Variants in RCAN2 observed in about 807,000 individuals in gnomAD.
RCAN2 encodes the protein regulator of calcineurin 2.
In RCAN2, 9 loss-of-function variants were observed where a neutral mutation model predicts 23.6. The observed-to-expected ratio is 0.38, with a 90% CI of 0.23 to 0.67. The LOEUF (loss-of-function observed/expected upper bound fraction) is 0.67. Among genes scored for constraint, RCAN2 ranks in the 30% least tolerant of loss-of-function variants. The pLI is 0.51. For synonymous variants in RCAN2, 109 were observed against 115.7 expected (o/e 0.94, Z 0.37); for missense variants, 273 against 302.3 (o/e 0.90, Z 0.72).
At chr6:46,464,614 C>A (rs1768320208) in intron 1 of RCAN2, among the ~76,000 whole-genome samples, 1 of 152,106 alleles carries the variant, frequency 6.6e-6, no homozygotes, top group East Asian at 1.9e-4. Flanking sequence ...CCATAGAAAC[C>A]CATTAGAGCT....
At chr6:46,239,684 G>A (rs571691004) in intron 4 of RCAN2, among the ~76,000 whole-genome samples, 2 of 152,274 alleles carry the variant, frequency 1.3e-5, no homozygotes, top group East Asian at 3.9e-4. Context: ...GGGGAAGGGG[G>A]AGGATGAGAG....
Position 46,243,868 on chromosome 6 carries a change from A to G in RCAN2, c.571+2880T>C, listed in dbSNP as rs530023038. On this transcript the variant is annotated intron_variant, in intron 4 of 4. Transcript: ENST00000371374. ...ATTCTTGATTCAGGGTTAAAAACAAATAAATGTTTGCCAGAGTTGAAGCAG... is the reference window on the plus strand; with the variant it reads ...ATTCTTGATTCAGGGTTAAAAACAAGTAAATGTTTGCCAGAGTTGAAGCAG... 3.3e-5 allele frequency among the ~76,000 whole-genome samples: 5 copies of G among 152,126 alleles called. No homozygotes were observed. The East Asian group carries it at 9.7e-4, about 29-fold the overall frequency.
rs541618730 is a variant in RCAN2, at chr6:46,361,479, A to G, written c.225+95273T>C. ...GACTATTGTTATTATCTAAAACAAC[A>G]GATTGGACAACCTATTTAAAAGTAT... On this transcript the variant is annotated intron_variant, in intron 2 of 4. Coordinates refer to ENST00000371374, the MANE Select transcript of RCAN2 (RefSeq NM_001251974.2). Among the ~76,000 whole-genome samples, 7 of 152,362 alleles carry G rather than the reference A, an allele frequency of 4.6e-5. No homozygotes were observed. The East Asian group carries it at 7.7e-4, about 17-fold the overall frequency.
chr6:46,277,331 A>C (rs1767747602), intron 2 of RCAN2, among the ~76,000 whole-genome samples: 1 of 152,138 alleles, frequency 6.6e-6, no homozygotes. Flanking sequence ...TTATTTTCTC[A>C]TAGGAGGAGA....
At chr6:46,367,242 T>G (rs1267009017) in intron 2 of RCAN2, among the ~76,000 whole-genome samples, 19 of 151,396 alleles carry the variant, frequency 1.3e-4, no homozygotes, top group Non-Finnish European at 1.5e-5. Flanking sequence ...CTGTCAAGGG[T>G]GCATTCTATT....
chr6:46,317,805 TAGAG>T (rs1436124576), intron 2 of RCAN2, among the ~76,000 whole-genome samples: 2 of 152,206 alleles, frequency 1.3e-5, no homozygotes, highest in Non-Finnish European at 2.9e-5. Context: ...AATTAATCCT[TAGAG>T]AGATTTCGAT....
chr6:46,344,463 A>T (rs999946131), intron 2 of RCAN2, among the ~76,000 whole-genome samples: 4 of 148,984 alleles, frequency 2.7e-5, no homozygotes, highest in African/African-American at 9.7e-5. Context: ...TATTTATTTT[A>T]AAAATTATTA....
chr6:46,416,176 T>C (rs1449730009), intron 2 of RCAN2, among the ~76,000 whole-genome samples: 1 of 151,976 alleles, frequency 6.6e-6, no homozygotes, highest in Non-Finnish European at 1.5e-5. Context: ...AAAGCTGTTA[T>C]TTAATATGAA....
At chr6:46,391,192 G>A (rs779702598) in intron 2 of RCAN2, among the ~76,000 whole-genome samples, 2 of 152,198 alleles carry the variant, frequency 1.3e-5, no homozygotes, top group Non-Finnish European at 2.9e-5. Flanking sequence ...TACAGTTCAT[G>A]CAGCTGAGAT....
chr6:46,222,266 A>G lies in RCAN2; in HGVS notation c.*875T>C, dbSNP rs1227583109. The G allele has an allele frequency of 6.3e-6, 2 of 315,862 alleles. No homozygotes were observed. Among genetic ancestry groups the G allele is most frequent in the Non-Finnish European group, 1.1e-5 (2 of 174,352 alleles). 19.6% of individuals were successfully genotyped at this position (315,862 alleles called of 1,614,324 possible). ...TAATTGTCGAACAATCACTAAATAA[A>G]AAACATCCAGATTTTTTAAAAGCAC... is the stretch of plus-strand genomic sequence containing the variant. On this transcript the variant is annotated 3_prime_UTR_variant, in exon 5 of 5. Coordinates refer to ENST00000371374, the MANE Select transcript of RCAN2 (RefSeq NM_001251974.2).
At chr6:46,387,606 G>A (rs1765795589) in intron 2 of RCAN2, among the ~76,000 whole-genome samples, 1 of 152,166 alleles carries the variant, frequency 6.6e-6, no homozygotes, top group Non-Finnish European at 1.5e-5. Context: ...GGAAACAACA[G>A]GTGCTGGAGA....
intron 2 of RCAN2, among the ~76,000 whole-genome samples, chr6:46,406,045 G>C (rs889123024): frequency 6.6e-6 from 1 of 152,216 alleles, no homozygotes; most frequent in African/African-American, 2.4e-5. Context: ...AGCAGGGCCG[G>C]CCGGCTGCTC....
rs1764386114 is a variant in RCAN2 at position 46,343,329 on chromosome 6, G to A, written c.226-94433C>T. 2.0e-5 allele frequency among the ~76,000 whole-genome samples: 3 copies of A among 150,786 alleles called. No homozygotes were observed. The South Asian group carries it at 6.3e-4, about 32-fold the overall frequency. ...TTCAAACATGAAGGTAAACCCTTAT[G>A]TATTTCACGTGAGAATGTAAAATGG... On this transcript the variant is annotated intron_variant, in intron 2 of 4. Transcript: ENST00000371374.
At chr6:46,287,045 C>G (rs944013609) in intron 2 of RCAN2, among the ~76,000 whole-genome samples, 1 of 152,154 alleles carries the variant, frequency 6.6e-6, no homozygotes, top group Non-Finnish European at 1.5e-5. Flanking sequence ...AATACCCAAC[C>G]AGGCAAAGAA....
In RCAN2 at chr6:46,223,021, A is replaced by C; in HGVS notation, c.*120T>G. On this transcript the variant is annotated 3_prime_UTR_variant, in exon 5 of 5. Coordinates refer to ENST00000371374, the MANE Select transcript of RCAN2 (RefSeq NM_001251974.2). ...CCTTTTGTCCGAGAGGCTTGATAAC[A>C]AGGAAGGAATCTCAAACAACCAAAC... 1.9e-6 allele frequency: 2 copies of C among 1,043,622 alleles called. No homozygotes were observed. The highest frequency in any genetic ancestry group is 2.9e-6 in the Non-Finnish European group (2 of 701,526). 64.6% of individuals were successfully genotyped at this position (1,043,622 alleles called of 1,614,324 possible).
chr6:46,398,568 T>C (rs751397479), intron 2 of RCAN2, among the ~76,000 whole-genome samples: 52 of 152,174 alleles, frequency 3.4e-4, no homozygotes, highest in Non-Finnish European at 6.8e-4. Flanking sequence ...TGCTTTTATT[T>C]TTATGGCTGC....
At chr6:46,340,088 G>A (rs1402517778) in intron 2 of RCAN2, among the ~76,000 whole-genome samples, 1 of 152,130 alleles carries the variant, frequency 6.6e-6, no homozygotes, top group Non-Finnish European at 1.5e-5. Flanking sequence ...AATAATGCAT[G>A]AGTGAATGAT....
intron 2 of RCAN2, among the ~76,000 whole-genome samples, chr6:46,354,207 G>C (rs112803171): frequency 5.6e-3 from 37 of 6,646 alleles, no homozygotes; most frequent in South Asian, 0.029. Flanking sequence ...TTATTTTACT[G>C]TGTGTGTGTG....
chr6:46,347,090 T>C (rs997729586), intron 2 of RCAN2, among the ~76,000 whole-genome samples: 1 of 152,176 alleles, frequency 6.6e-6, no homozygotes, highest in African/African-American at 2.4e-5. Flanking sequence ...TTAGCCAGGA[T>C]AGTCTCAATC....
Sources: gnomAD v4.1 joint callset for allele counts (sites outside exome capture counted in the v4.1 genomes callset) on GRCh38, gnomAD v4.1.1 for gene constraint, MANE v1.5 for transcripts, NCBI Gene and HGNC (gene_info 2026-07-23, HGNC 2026-07-21) for gene names.